Variants in SLC22A4 observed in about 807,000 individuals in gnomAD.
The protein encoded by SLC22A4 is ET transporter.
A neutral mutation model predicts 56.6 loss-of-function variants in SLC22A4; 39 were observed. That is an observed-to-expected ratio of 0.69 (90% CI 0.53 to 0.90). The LOEUF (loss-of-function observed/expected upper bound fraction) is 0.90, where lower values mean the gene tolerates loss of function less well. SLC22A4 is among the 40% of genes least tolerant of loss of function. The pLI, the probability that SLC22A4 is intolerant of heterozygous loss-of-function variation, is 0.00. For synonymous variants in SLC22A4, 241 were observed against 281.4 expected, an observed-to-expected ratio of 0.86 and a Z score of 1.44; for missense variants, 594 against 696.5, an observed-to-expected ratio of 0.85 and a Z score of 1.66.
At chr5:132,322,664 C>T (rs922418311) in intron 4 of SLC22A4, among the ~76,000 whole-genome samples, 3 of 152,094 alleles carry the variant, frequency 2.0e-5, no homozygotes, top group Non-Finnish European at 4.4e-5. Context: ...TAACTCTGCC[C>T]CCTGCTCTTT....
chr5:132,317,627 T>G (rs1750400476), intron 3 of SLC22A4, among the ~76,000 whole-genome samples: 1 of 152,230 alleles, frequency 6.6e-6, no homozygotes, highest in African/African-American at 2.4e-5. Flanking sequence ...AGTATTTTTG[T>G]GGATATATGT....
intron 4 of SLC22A4, among the ~76,000 whole-genome samples, chr5:132,325,464 G>A (rs1247685998): frequency 6.6e-6 from 1 of 152,092 alleles, no homozygotes; most frequent in Non-Finnish European, 1.5e-5. Flanking sequence ...TAACATTATT[G>A]TAGTTCCTAT....
chr5:132,294,685 CCTGCTCAG>C lies in SLC22A4; in HGVS notation c.71_78del (p.Leu24ArgfsTer111). The C allele has an allele frequency of 6.2e-7, 1 of 1,614,198 alleles. No homozygotes were observed. Among genetic ancestry groups the C allele is most frequent in the East Asian group, 2.2e-5 (1 of 44,876 alleles). Reference sequence around the variant, plus strand: ...GGCCCTTCCAGCGCCTCATCTTCTTCCTGCTCAGCGCCAGCATCATCCCCAATGGCTTC... The same window carrying C: ...GGCCCTTCCAGCGCCTCATCTTCTTCCGCCAGCATCATCCCCAATGGCTTC... On this transcript the variant is annotated frameshift_variant, in exon 1 of 10. Coordinates refer to ENST00000200652, the MANE Select transcript of SLC22A4 (RefSeq NM_003059.3). LOFTEE classifies it high-confidence loss of function. The surrounding 1 kb of genome is among the most constrained non-coding windows in gnomAD (Gnocchi z 5.6).
intron 5 of SLC22A4, among the ~76,000 whole-genome samples, chr5:132,329,399 C>G (rs1192229383): frequency 6.6e-6 from 1 of 151,956 alleles, no homozygotes; most frequent in African/African-American, 2.4e-5. Flanking sequence ...CCTGTGCCAG[C>G]AAATGCACCC....
At chr5:132,308,536 G>A (rs745809218) in intron 1 of SLC22A4, among the ~76,000 whole-genome samples, 2 of 151,696 alleles carry the variant, frequency 1.3e-5, no homozygotes, top group Non-Finnish European at 2.9e-5. Context: ...GATAATACAC[G>A]GCACTCAGTG....
intron 2 of SLC22A4, among the ~76,000 whole-genome samples, chr5:132,313,401 T>C (rs940347923): frequency 9.9e-5 from 15 of 152,178 alleles, no homozygotes; most frequent in Non-Finnish European, 1.9e-4. Context: ...AGACATGGTG[T>C]CTCCACAGGA....
chr5:132,336,023 G>A lies in SLC22A4; in HGVS notation c.1444+23G>A, dbSNP rs367852652. The A allele has an allele frequency of 4.0e-5, 64 of 1,607,950 alleles. No homozygotes were observed. In the African/African-American group the frequency reaches 6.8e-4, roughly 17 times the overall value. On this transcript the variant is annotated intron_variant, in intron 8 of 9. Coordinates refer to ENST00000200652, the MANE Select transcript of SLC22A4 (RefSeq NM_003059.3). ...TCGGTGAGCTGCATCTTGTGCATTT[G>A]TTCTTCCTTTAAATTAGTTTTCAAT...
At chr5:132,306,796 C>T (rs1356268156) in intron 1 of SLC22A4, among the ~76,000 whole-genome samples, 3 of 152,044 alleles carry the variant, frequency 2.0e-5, no homozygotes, top group Non-Finnish European at 4.4e-5. Flanking sequence ...TGCTGATACA[C>T]TGCACAATGA....
intron 1 of SLC22A4, among the ~76,000 whole-genome samples, chr5:132,299,071 C>A (rs1019705983): frequency 1.3e-5 from 2 of 152,248 alleles, no homozygotes; most frequent in Admixed American, 6.5e-5. Context: ...GGACTGTCCT[C>A]AGATTGTGTC....
At chr5:132,313,547 C>A in intron 2 of SLC22A4, 67 bp from the exon 3 acceptor site, 3 of 1,450,366 alleles carry the variant, frequency 2.1e-6, no homozygotes, top group Non-Finnish European at 2.9e-6. Flanking sequence ...TGATGCCTGA[C>A]TCAGGGCTTG....
chr5:132,324,913 G>A (rs916014696), intron 4 of SLC22A4, among the ~76,000 whole-genome samples: 1 of 152,242 alleles, frequency 6.6e-6, no homozygotes, highest in South Asian at 2.1e-4. Context: ...CAGTGGCCCT[G>A]AGTACAGTGG....
intron 8 of SLC22A4, 109 bp from the exon 9 acceptor site, chr5:132,340,454 CAG>C (rs1751179098): frequency 9.7e-7 from 1 of 1,032,436 alleles, no homozygotes; most frequent in South Asian, 1.3e-5. Flanking sequence ...TGAAAATGTT[CAG>C]ATTTAAATCC....
At chr5:132,305,436 C>A (rs1472773547) in intron 1 of SLC22A4, among the ~76,000 whole-genome samples, 1 of 152,006 alleles carries the variant, frequency 6.6e-6, no homozygotes, top group Non-Finnish European at 1.5e-5. Context: ...TTCAGAAGCT[C>A]AACAAACTCC....
rs270600 is a variant in SLC22A4, at chr5:132,322,392, C to T, written c.824+37C>T. 1.2e-3 allele frequency: 1,982 copies of T among 1,593,368 alleles called. 29 individuals are homozygous for T. In the East Asian group the frequency reaches 0.027, roughly 22 times the overall value. ...TCGTCCCCAGACAGGCCCTCTGCTG[C>T]GGGTCAGCACACCTGGAACACACCT... On this transcript the variant is annotated intron_variant, in intron 4 of 9. Transcript: ENST00000200652.
At chr5:132,340,256 A>G (rs1751171480) in intron 8 of SLC22A4, among the ~76,000 whole-genome samples, 1 of 151,824 alleles carries the variant, frequency 6.6e-6, no homozygotes, top group Non-Finnish European at 1.5e-5. Context: ...CCTCCACCTT[A>G]AGAGGAGAAC....
intron 1 of SLC22A4, among the ~76,000 whole-genome samples, chr5:132,299,919 A>T (rs1749873671): frequency 6.6e-6 from 1 of 152,220 alleles, no homozygotes; most frequent in Non-Finnish European, 1.5e-5. Context: ...TTACAATAGT[A>T]ATAACTGAAC....
intron 1 of SLC22A4, among the ~76,000 whole-genome samples, chr5:132,304,890 A>G (rs270613): frequency 0.6 from 90,986 of 152,084 alleles, 27,816 homozygotes; most frequent in African/African-American, 0.66. Context: ...TTTTAAAAGT[A>G]TGATGACAAT....
At chr5:132,297,701 T>G (rs896750574) in intron 1 of SLC22A4, among the ~76,000 whole-genome samples, 3 of 151,606 alleles carry the variant, frequency 2.0e-5, no homozygotes, top group African/African-American at 7.3e-5. Context: ...GAAATCCACT[T>G]TGGGAGGCCG....
At chr5:132,332,239 A>T in intron 6 of SLC22A4, 1 of 294,662 alleles carries the variant, frequency 3.4e-6, no homozygotes, top group South Asian at 3.3e-5. Context: ...ACTTGAACCC[A>T]GGAGGTGGAG....
Sources: gnomAD v4.1 joint callset for allele counts (sites outside exome capture counted in the v4.1 genomes callset) on GRCh38, gnomAD v4.1.1 for gene constraint, Gnocchi (gnomAD v3.1) non-coding constraint, MANE v1.5 for transcripts, NCBI Gene and HGNC (gene_info 2026-07-23, HGNC 2026-07-21) for gene names.